SYNPO2: variants seen among roughly 807,000 people sequenced by gnomAD.
The protein encoded by SYNPO2 is synaptopodin-2.
A neutral mutation model predicts 85.0 loss-of-function variants in SYNPO2; 56 were observed. The observed-to-expected ratio is 0.66, with a 90% CI of 0.53 to 0.82. The LOEUF is 0.82. SYNPO2 is among the 40% of genes least tolerant of loss of function. The pLI is 0.00. For missense variants in SYNPO2, 1,575 were observed against 1,534.2 expected (o/e 1.03, Z -0.44); for synonymous variants, 602 against 591.1 (o/e 1.02, Z -0.27).
At chr4:119,014,728 A>G (rs1017547612) in intron 1 of SYNPO2, among the ~76,000 whole-genome samples, 2 of 152,174 alleles carry the variant, frequency 1.3e-5, no homozygotes, top group African/African-American at 4.8e-5. Context: ...AACACCGATG[A>G]TGGCCTAAAT....
chr4:119,041,486 T>A (rs959409540), intron 4 of SYNPO2, among the ~76,000 whole-genome samples: 23 of 152,264 alleles, frequency 1.5e-4, no homozygotes, highest in Non-Finnish European at 1.8e-4. Flanking sequence ...GTTTTTTTTT[T>A]AATTCACACT....
At chr4:119,016,728 T>C (rs1050836414) in intron 1 of SYNPO2, among the ~76,000 whole-genome samples, 1 of 152,200 alleles carries the variant, frequency 6.6e-6, no homozygotes, top group African/African-American at 2.4e-5. Context: ...GTTTACATTC[T>C]TAGGAAAGAA....
chr4:119,000,220 C>G (rs1736774872), intron 1 of SYNPO2, among the ~76,000 whole-genome samples: 1 of 152,110 alleles, frequency 6.6e-6, no homozygotes, highest in Non-Finnish European at 1.5e-5. Context: ...TAATAAAAAG[C>G]AAGACACTGA....
intron 1 of SYNPO2, among the ~76,000 whole-genome samples, chr4:118,970,828 C>T (rs190809804): frequency 2.2e-4 from 34 of 152,252 alleles, no homozygotes; most frequent in Admixed American, 7.2e-4. Context: ...GACTAGAACA[C>T]GGTGGGTGCT....
At chr4:119,042,274 A>G (rs1339948052) in intron 4 of SYNPO2, 1 of 151,950 alleles carries the variant, frequency 6.6e-6, no homozygotes, top group Non-Finnish European at 1.5e-5. Context: ...TTGAGACGTG[A>G]TTTTTATCTG....
At chr4:118,983,653 C>T (rs1473328071) in intron 1 of SYNPO2, among the ~76,000 whole-genome samples, 1 of 152,184 alleles carries the variant, frequency 6.6e-6, no homozygotes, top group Non-Finnish European at 1.5e-5. Flanking sequence ...TCTACTTCCT[C>T]CTTGATATAA....
intron 1 of SYNPO2, among the ~76,000 whole-genome samples, chr4:118,942,280 A>G (rs548761612): frequency 6.6e-6 from 1 of 152,322 alleles, no homozygotes; most frequent in South Asian, 2.1e-4. Flanking sequence ...ACTATATTGT[A>G]ACACATGTCC....
intron 1 of SYNPO2, among the ~76,000 whole-genome samples, chr4:118,933,003 A>C (rs756906675): frequency 1.2e-4 from 19 of 152,186 alleles, no homozygotes; most frequent in Non-Finnish European, 2.4e-4. Flanking sequence ...CCATTTTTCT[A>C]GGAGGAGCAC....
At chr4:118,861,269 C>T (rs1225488308) in intron 1 of SYNPO2, among the ~76,000 whole-genome samples, 2 of 152,208 alleles carry the variant, frequency 1.3e-5, no homozygotes, top group East Asian at 3.8e-4. Flanking sequence ...TATCCTGCCT[C>T]AGCCTCCTGA....
In SYNPO2 at chr4:119,059,687, A is replaced by G. The variant is rs746692671; in HGVS notation, c.*1753A>G. 2.0e-5 allele frequency: 3 copies of G among 152,142 alleles called. No individual in the cohort carries two copies. Among genetic ancestry groups the G allele is most frequent in the Non-Finnish European group, 4.4e-5 (3 of 68,016 alleles). 9.4% of individuals were successfully genotyped at this position (152,142 alleles called of 1,614,324 possible). On this transcript the variant is annotated 3_prime_UTR_variant, in exon 5 of 5. Transcript: ENST00000307142. ...CTCTTATAATCATGGTATCTTTCAC[A>G]GAATAAAAATTAAAAATAATGCCAG...
intron 3 of SYNPO2, among the ~76,000 whole-genome samples, chr4:119,028,285 A>C (rs1738064216): frequency 6.6e-6 from 1 of 151,448 alleles, no homozygotes; most frequent in East Asian, 1.9e-4. Context: ...TGACAGGCAA[A>C]GGCACTTGAC....
At chr4:118,873,558 G>C (rs1391823122) in intron 1 of SYNPO2, among the ~76,000 whole-genome samples, 1 of 151,738 alleles carries the variant, frequency 6.6e-6, no homozygotes, top group African/African-American at 2.4e-5. Flanking sequence ...ATTATTATTT[G>C]CTATTGTTTT....
At chr4:118,965,027 GAC>G (rs564072234) in intron 1 of SYNPO2, among the ~76,000 whole-genome samples, 55 of 152,214 alleles carry the variant, frequency 3.6e-4, no homozygotes, top group African/African-American at 1.3e-3. Flanking sequence ...GCTCTGCCCT[GAC>G]TTCCTGCTTT....
chr4:118,942,827 T>G (rs1734360519), intron 1 of SYNPO2, among the ~76,000 whole-genome samples: 1 of 151,914 alleles, frequency 6.6e-6, no homozygotes, highest in South Asian at 2.1e-4. Context: ...TGTCAGTTGG[T>G]CAGGTGCAGT....
intron 1 of SYNPO2, among the ~76,000 whole-genome samples, chr4:118,879,240 A>G (rs949149932): frequency 6.6e-6 from 1 of 152,238 alleles, no homozygotes; most frequent in Non-Finnish European, 1.5e-5. Flanking sequence ...TGTTGAAGTC[A>G]GGGAGACCAT....
Position 119,030,795 on chromosome 4 carries a change from A to T in SYNPO2, c.2020A>T (p.Ile674Phe), listed in dbSNP as rs199848646. 1.9e-6 allele frequency: 3 copies of T among 1,614,110 alleles called. No homozygotes were observed. In the East Asian group the frequency reaches 6.7e-5, roughly 36 times the overall value. Reference sequence around the variant, plus strand: ...GCGAATAGCTTCCCGAGATGAGAGGATCTCAGTGCCAGCAAAAAGAACAGG... The same window carrying T: ...GCGAATAGCTTCCCGAGATGAGAGGTTCTCAGTGCCAGCAAAAAGAACAGG... The part of the protein sequence containing the change: ...SERIASRDER[I>F]SVPAKRTGIL... The change falls in exon 4 of 5, where the codon ATC (isoleucine) becomes TTC (phenylalanine). Residue 674 changes from isoleucine (I) to phenylalanine (F), a missense_variant. By Grantham distance (21) the Ile-to-Phe change is conservative. Around this residue, in one of 3 missense-constraint regions of SYNPO2, gnomAD observed 1,508 missense variants for 1,446.8 expected, o/e 1.04. Coordinates refer to ENST00000307142, the MANE Select transcript of SYNPO2 (RefSeq NM_133477.3).
intron 1 of SYNPO2, among the ~76,000 whole-genome samples, chr4:118,936,564 G>T (rs755947025): frequency 6.6e-6 from 1 of 152,062 alleles, no homozygotes; most frequent in Non-Finnish European, 1.5e-5. Context: ...TACTGTTAAT[G>T]CTCTCCAGCA....
intron 1 of SYNPO2, among the ~76,000 whole-genome samples, chr4:119,008,720 A>C (rs1316357032): frequency 6.6e-6 from 1 of 152,150 alleles, no homozygotes; most frequent in Non-Finnish European, 1.5e-5. Context: ...TAAAAGCATA[A>C]TTTATATATG....
At chr4:118,959,419 A>G (rs1393257505) in intron 1 of SYNPO2, among the ~76,000 whole-genome samples, 1 of 152,240 alleles carries the variant, frequency 6.6e-6, no homozygotes, top group Non-Finnish European at 1.5e-5. Context: ...ACAAAATAAA[A>G]AAGGGCTTTT....
Sources: allele counts gnomAD v4.1 joint callset (sites outside exome capture counted in the v4.1 genomes callset), GRCh38; gene constraint gnomAD v4.1.1; regional missense constraint gnomAD v4.1.1; transcripts MANE v1.5; gene names NCBI Gene and HGNC (gene_info 2026-07-23, HGNC 2026-07-21).